TMTC2: variants seen among roughly 807,000 people sequenced by gnomAD.
TMTC2 encodes protein O-mannosyl-transferase TMTC2.
A neutral mutation model predicts 82.4 loss-of-function variants in TMTC2; 43 were observed. The observed-to-expected ratio is 0.52, with a 90% CI of 0.41 to 0.67. The LOEUF (loss-of-function observed/expected upper bound fraction) is 0.67, where lower values mean the gene tolerates loss of function less well. Among genes scored for constraint, TMTC2 ranks in the 30% least tolerant of loss-of-function variants. TMTC2 has a pLI of 0.00. For synonymous variants in TMTC2, 408 were observed against 381.9 expected (o/e 1.07, Z -0.80); for missense variants, 919 against 1,012.4 (o/e 0.91, Z 1.25).
chr12:82,746,917 C>T (rs1875722374), intron 1 of TMTC2, among the ~76,000 whole-genome samples: 1 of 152,174 alleles, frequency 6.6e-6, no homozygotes, highest in South Asian at 2.1e-4. Flanking sequence ...ATAAGGACAT[C>T]AGTCTTGGAA....
At chr12:83,062,211 C>T (rs567369975) in intron 11 of TMTC2, among the ~76,000 whole-genome samples, 11 of 151,848 alleles carry the variant, frequency 7.2e-5, no homozygotes, top group Admixed American at 2.6e-4. Flanking sequence ...GTTTGATTCT[C>T]ATATATAGTC....
intron 2 of TMTC2, among the ~76,000 whole-genome samples, chr12:82,858,199 A>G (rs989398595): frequency 7.9e-5 from 12 of 152,248 alleles, no homozygotes; most frequent in Non-Finnish European, 1.5e-4. Flanking sequence ...GTTCTCCCGT[A>G]TTCCCTTAGT....
intron 1 of TMTC2, among the ~76,000 whole-genome samples, chr12:82,823,313 A>G (rs1248695399): frequency 6.6e-6 from 1 of 152,196 alleles, no homozygotes; most frequent in African/African-American, 2.4e-5. Context: ...TTCTGCTAAT[A>G]TGTACACACA....
chr12:82,795,008 G>A (rs963285267), intron 1 of TMTC2, among the ~76,000 whole-genome samples: 8 of 152,016 alleles, frequency 5.3e-5, no homozygotes, highest in Non-Finnish European at 4.4e-5. Flanking sequence ...GCTGGAATCC[G>A]AAGTTGAGAA....
intron 1 of TMTC2, among the ~76,000 whole-genome samples, chr12:82,723,736 A>G (rs1874314112): frequency 2.0e-5 from 3 of 152,312 alleles, no homozygotes; most frequent in Middle Eastern, 3.4e-3. Context: ...CAGATTTGGT[A>G]TGCTCAACCT....
chr12:83,057,610 T>A (rs1882593647), intron 10 of TMTC2, among the ~76,000 whole-genome samples: 2 of 152,056 alleles, frequency 1.3e-5, no homozygotes, highest in East Asian at 1.9e-4. Flanking sequence ...TAAAATTTAG[T>A]ACTGCTTTGA....
chr12:82,865,828 A>T (rs897348681), intron 2 of TMTC2, among the ~76,000 whole-genome samples: 1 of 152,204 alleles, frequency 6.6e-6, no homozygotes, highest in Non-Finnish European at 1.5e-5. Context: ...ACCACAGTGC[A>T]ATCAAACTAG....
Position 82,898,222 on chromosome 12 carries a change from T to C in TMTC2, c.1483+1576T>C, listed in dbSNP as rs959857506. 5.9e-5 allele frequency among the ~76,000 whole-genome samples: 9 copies of C among 152,184 alleles called. No homozygotes were observed. In the East Asian group the frequency reaches 1.2e-3, roughly 20 times the overall value. On this transcript the variant is annotated intron_variant, in intron 3 of 11. Transcript: ENST00000321196. ...CATGTGACTTTTCCTAGGTGGCGAG[T>C]ACTTCACAGTTTATTGAATGCCTGG...
At chr12:82,731,804 G>T (rs575989554) in intron 1 of TMTC2, among the ~76,000 whole-genome samples, 40 of 152,252 alleles carry the variant, frequency 2.6e-4, no homozygotes, top group African/African-American at 9.4e-4. Context: ...TACATGGAAT[G>T]GTTTGTGTGA....
At chr12:82,816,551 A>G (rs1273865295) in intron 1 of TMTC2, among the ~76,000 whole-genome samples, 1 of 152,028 alleles carries the variant, frequency 6.6e-6, no homozygotes, top group Non-Finnish European at 1.5e-5. Context: ...TGAGTTTGTA[A>G]TAAGATAGAA....
At chr12:82,867,038 C>G (rs1871902863) in intron 2 of TMTC2, among the ~76,000 whole-genome samples, 1 of 151,914 alleles carries the variant, frequency 6.6e-6, no homozygotes, top group Admixed American at 6.6e-5. Context: ...AATAAGAAAC[C>G]AAAAGGGAAG....
intron 1 of TMTC2, among the ~76,000 whole-genome samples, chr12:82,794,389 A>G (rs879318773): frequency 1.3e-5 from 2 of 152,120 alleles, no homozygotes; most frequent in Non-Finnish European, 2.9e-5. Flanking sequence ...TTGGGGGGAA[A>G]CACAAATTGA....
chr12:82,702,716 C>G (rs1873142722), intron 1 of TMTC2, among the ~76,000 whole-genome samples: 1 of 152,152 alleles, frequency 6.6e-6, no homozygotes. Flanking sequence ...TGCTTAAGCC[C>G]AGCAGTTTGA....
chr12:82,857,614 C>T (rs1278543869), intron 2 of TMTC2, 34 bp downstream of exon 2: 1 of 1,540,738 alleles, frequency 6.5e-7, no homozygotes, highest in Admixed American at 1.9e-5. Flanking sequence ...CATTGGATTA[C>T]TGAGTAATCT....
chr12:83,116,643 TG>T (rs1257042188), intron 11 of TMTC2, among the ~76,000 whole-genome samples: 2 of 152,196 alleles, frequency 1.3e-5, no homozygotes, highest in African/African-American at 4.8e-5. Context: ...AAGAGTAAGG[TG>T]GTATCTCATT....
intron 7 of TMTC2, among the ~76,000 whole-genome samples, chr12:82,985,058 A>G (rs945487675): frequency 2.0e-5 from 3 of 151,936 alleles, no homozygotes; most frequent in East Asian, 3.9e-4. Context: ...TTATTTAATT[A>G]AAATAATTTT....
chr12:82,954,353 T>G (rs2137284406), intron 4 of TMTC2, among the ~76,000 whole-genome samples: 1 of 152,282 alleles, frequency 6.6e-6, no homozygotes, highest in East Asian at 1.9e-4. Flanking sequence ...CCAAAACACC[T>G]TACATTTTAT....
intron 1 of TMTC2, among the ~76,000 whole-genome samples, chr12:82,708,608 C>T (rs370673418): frequency 3.9e-5 from 6 of 152,168 alleles, no homozygotes; most frequent in African/African-American, 9.7e-5. Flanking sequence ...TCCCATCAGC[C>T]CCTGTCACGT....
chr12:82,964,495 T>C (rs1878097773), intron 4 of TMTC2, among the ~76,000 whole-genome samples: 1 of 152,116 alleles, frequency 6.6e-6, no homozygotes, highest in African/African-American at 2.4e-5. Context: ...CCTTCAGTCT[T>C]TTTTGTTGTT....
Sources: gnomAD v4.1 joint callset for allele counts (sites outside exome capture counted in the v4.1 genomes callset) on GRCh38, gnomAD v4.1.1 for gene constraint, MANE v1.5 for transcripts, NCBI Gene and HGNC (gene_info 2026-07-23, HGNC 2026-07-21) for gene names.